LDLRAD3: variants seen among roughly 807,000 people sequenced by gnomAD.
LDLRAD3 encodes the protein low density lipoprotein receptor class A domain containing 3, also known as low-density lipoprotein receptor class A domain-containing protein 3.
Under a neutral mutation model 29.4 loss-of-function variants are expected in LDLRAD3, and 20 were observed. That is an observed-to-expected ratio of 0.68 (90% CI 0.48 to 0.99). The LOEUF is 0.99. Ranked by LOEUF, LDLRAD3 falls within the 50% of genes least tolerant of loss-of-function variation. LDLRAD3 has a pLI of 0.00. For missense variants in LDLRAD3, 420 were observed against 454.3 expected, an observed-to-expected ratio of 0.92 and a Z score of 0.69; for synonymous variants, 157 against 192.7, an observed-to-expected ratio of 0.81 and a Z score of 1.53.
At chr11:36,065,792 T>G (rs1852781760) in intron 2 of LDLRAD3, among the ~76,000 whole-genome samples, 1 of 152,160 alleles carries the variant, frequency 6.6e-6, no homozygotes, top group Non-Finnish European at 1.5e-5. Flanking sequence ...ATATCTGCCC[T>G]TTGCAGGTGT....
intron 1 of LDLRAD3, among the ~76,000 whole-genome samples, chr11:36,026,644 A>G (rs1201298587): frequency 6.6e-6 from 1 of 152,246 alleles, no homozygotes; most frequent in Admixed American, 6.5e-5. Flanking sequence ...AAACCCACCA[A>G]AAGCGAGATG....
chr11:35,978,597 C>T (rs898677199), intron 1 of LDLRAD3, among the ~76,000 whole-genome samples: 6 of 152,206 alleles, frequency 3.9e-5, no homozygotes, highest in Admixed American at 3.9e-4. Flanking sequence ...GAAGGCCCCT[C>T]TATGTGTCAG....
chr11:36,112,166 G>A (rs931473504), intron 4 of LDLRAD3, among the ~76,000 whole-genome samples: 1 of 152,110 alleles, frequency 6.6e-6, no homozygotes, highest in Non-Finnish European at 1.5e-5. Flanking sequence ...TTTTAATGCA[G>A]GCTTGTTGTT....
At position 36,111,352 on chromosome 11, in the gene LDLRAD3, C is replaced by CG. The variant is rs546618893; in HGVS notation, c.454+12891_454+12892insG. Among the ~76,000 whole-genome samples, 275 of 152,194 alleles carry CG rather than the reference C, an allele frequency of 1.8e-3. 2 individuals are homozygous for CG. The highest frequency in any genetic ancestry group is 6.8e-3 in the Middle Eastern group (2 of 294). On this transcript the variant is annotated intron_variant, in intron 4 of 5. Transcript: ENST00000315571. ...TGACCATAGAAGGGATATCCTCCCC[C>CG]TCCTGCTTCCAACAAGTGGCTTGAA...
intron 2 of LDLRAD3, among the ~76,000 whole-genome samples, chr11:36,046,042 T>C (rs1388125076): frequency 6.6e-6 from 1 of 151,764 alleles, no homozygotes. Context: ...CAACTCCCAC[T>C]TATGAGTGAG....
At chr11:35,947,352 A>G (rs1047283399) in intron 1 of LDLRAD3, among the ~76,000 whole-genome samples, 3 of 152,120 alleles carry the variant, frequency 2.0e-5, no homozygotes, top group Non-Finnish European at 4.4e-5. Flanking sequence ...TCTACTAAAA[A>G]TACAAAAATT....
chr11:36,103,288 G>A (rs1590269487), intron 4 of LDLRAD3, among the ~76,000 whole-genome samples: 1 of 145,700 alleles, frequency 6.9e-6, no homozygotes, highest in South Asian at 2.2e-4. Context: ...CCAGGCTGGA[G>A]TGCAGTGGCG....
chr11:36,002,414 C>G (rs1430553504), intron 1 of LDLRAD3, among the ~76,000 whole-genome samples: 1 of 152,208 alleles, frequency 6.6e-6, no homozygotes, highest in African/African-American at 2.4e-5. Context: ...CTGTGTCGTC[C>G]TCATCATCCC....
intron 4 of LDLRAD3, among the ~76,000 whole-genome samples, chr11:36,189,076 C>T (rs2133364015): frequency 6.6e-6 from 1 of 152,046 alleles, no homozygotes; most frequent in Admixed American, 6.5e-5. Context: ...ATAGAATTTG[C>T]AACCATCATC....
intron 1 of LDLRAD3, among the ~76,000 whole-genome samples, chr11:36,025,297 GGT>G (rs1194549568): frequency 6.6e-6 from 1 of 151,838 alleles, no homozygotes; most frequent in Non-Finnish European, 1.5e-5. Flanking sequence ...TTTTTTAAAG[GGT>G]AGCGAAAAGT....
chr11:36,099,854 C>G (rs990036541), intron 4 of LDLRAD3, among the ~76,000 whole-genome samples: 1 of 152,076 alleles, frequency 6.6e-6, no homozygotes, highest in African/African-American at 2.4e-5. Flanking sequence ...TAGACTTTGC[C>G]AAGATTTGTG....
At chr11:36,108,448 A>G (rs185200364) in intron 4 of LDLRAD3, among the ~76,000 whole-genome samples, 18 of 152,162 alleles carry the variant, frequency 1.2e-4, no homozygotes, top group African/African-American at 4.3e-4. Flanking sequence ...TCTCTGCTCT[A>G]ATAGAGCTCA....
intron 4 of LDLRAD3, among the ~76,000 whole-genome samples, chr11:36,176,873 G>T (rs1854686490): frequency 6.6e-6 from 1 of 152,126 alleles, no homozygotes. Context: ...AGCAAGGCCA[G>T]GGAAGTTTTC....
rs867900884 is a variant in LDLRAD3 at position 36,000,512 on chromosome 11, G to T, written c.47-35591G>T. 3.3e-5 allele frequency among the ~76,000 whole-genome samples: 5 copies of T among 152,230 alleles called. No individual in the cohort carries two copies. The South Asian group carries it at 1.0e-3, about 32-fold the overall frequency. Reference sequence around the variant, plus strand: ...TTATTACTTAAAAAAGATAGGAAATGATGGCAGAATACTAAAATTTATGAA... The same window carrying T: ...TTATTACTTAAAAAAGATAGGAAATTATGGCAGAATACTAAAATTTATGAA... On this transcript the variant is annotated intron_variant, in intron 1 of 5. Transcript: ENST00000315571.
At chr11:35,953,082 C>G (rs999156488) in intron 1 of LDLRAD3, among the ~76,000 whole-genome samples, 22 of 152,176 alleles carry the variant, frequency 1.4e-4, no homozygotes, top group African/African-American at 5.1e-4. Flanking sequence ...TAAACTTACT[C>G]CCAAGGCCTT....
At chr11:36,102,591 G>A (rs1256164032) in intron 4 of LDLRAD3, among the ~76,000 whole-genome samples, 1 of 152,070 alleles carries the variant, frequency 6.6e-6, no homozygotes, top group Non-Finnish European at 1.5e-5. Flanking sequence ...ACGAGAATGG[G>A]GCCCTGAAAG....
At chr11:35,990,852 C>G (rs189544622) in intron 1 of LDLRAD3, among the ~76,000 whole-genome samples, 232 of 152,294 alleles carry the variant, frequency 1.5e-3, no homozygotes, top group African/African-American at 5.2e-3. Context: ...TGCAAAGACT[C>G]TTTTTCCAAT....
Position 36,230,953 on chromosome 11 carries a change from T to G in LDLRAD3, c.*1556T>G, listed in dbSNP as rs1211684627. ...TATAGTCTCTATGTTTGTGCTAGTT[T>G]TTCTTTTTTTTCTCTGTGTCCAGTC... is the stretch of plus-strand genomic sequence containing the variant. On this transcript the variant is annotated 3_prime_UTR_variant, in exon 6 of 6. Coordinates refer to ENST00000315571, the MANE Select transcript of LDLRAD3 (RefSeq NM_174902.4). 1 of 152,414 alleles carries G rather than the reference T, an allele frequency of 6.6e-6. No individual in the cohort carries two copies. Among genetic ancestry groups the G allele is most frequent in the Non-Finnish European group, 1.5e-5 (1 of 68,058 alleles). The allele number at this position is 152,414 out of a possible 1,614,324, so 9.4% of individuals were successfully genotyped here. A position where few individuals can be genotyped will look rare whatever the true frequency, so the allele number is the denominator to read the frequency against.
At chr11:36,088,917 C>A (rs1315027971) in intron 3 of LDLRAD3, among the ~76,000 whole-genome samples, 1 of 152,118 alleles carries the variant, frequency 6.6e-6, no homozygotes, top group African/African-American at 2.4e-5. Context: ...TGAAAAATGA[C>A]CCCTCTCCTC....
Sources: gnomAD v4.1 joint callset for allele counts (sites outside exome capture counted in the v4.1 genomes callset) on GRCh38, gnomAD v4.1.1 for gene constraint, MANE v1.5 for transcripts, NCBI Gene and HGNC (gene_info 2026-07-23, HGNC 2026-07-21) for gene names.